GLMN: variants seen among roughly 807,000 people sequenced by gnomAD.
The protein encoded by GLMN is glomulin, FKBP associated protein, also known as glomulin.
In GLMN, 75 loss-of-function variants were observed where a neutral mutation model predicts 87.8. That is an observed-to-expected ratio of 0.85 (90% confidence interval 0.71 to 1.04). GLMN has a LOEUF of 1.04. GLMN is among the 50% of genes least tolerant of loss of function. The probability of loss-of-function intolerance (pLI) is 0.00; values close to 1 mark genes in which losing one functional copy is unlikely to be tolerated. For missense variants in GLMN, 588 were observed against 658.8 expected, an observed-to-expected ratio of 0.89 and a Z score of 1.18; for synonymous variants, 206 against 221.6, an observed-to-expected ratio of 0.93 and a Z score of 0.63.
chr1:92,335,329 T>C, the GLMN span, among the ~76,000 whole-genome samples: 3 of 152,208 alleles, frequency 2.0e-5, no homozygotes, highest in African/African-American at 7.2e-5. Context: ...TTATTACTAT[T>C]CTTTCTATTT....
the GLMN span, among the ~76,000 whole-genome samples, chr1:92,305,432 C>CAAAAAAAAAAAAAA: frequency 1.9e-3 from 98 of 52,680 alleles, 8 homozygotes; most frequent in African/African-American, 8.5e-3. Context: ...GGCTCCGTCT[C>CAAAAAAAAAAAAAA]AAAAAAAAAA....
At chr1:92,305,326 G>A in the GLMN span, among the ~76,000 whole-genome samples, 5 of 150,090 alleles carry the variant, frequency 3.3e-5, no homozygotes, top group East Asian at 4.0e-4. Context: ...CCAGCTACTC[G>A]GGAGGCTGAG....
intron 6 of GLMN, among the ~76,000 whole-genome samples, chr1:92,288,171 G>A (rs1233090295): frequency 6.6e-6 from 1 of 152,052 alleles, no homozygotes; most frequent in Non-Finnish European, 1.5e-5. Flanking sequence ...TAGTACCCAT[G>A]GAGGGAATGC....
the GLMN span, among the ~76,000 whole-genome samples, chr1:92,344,423 C>T: frequency 2.0e-5 from 3 of 151,990 alleles, no homozygotes; most frequent in African/African-American, 4.8e-5. Context: ...AAATGCTATA[C>T]GATGTTTGCT....
At chr1:92,323,307 G>A in the GLMN span, 1 of 475,064 alleles carries the variant, frequency 2.1e-6, no homozygotes, top group South Asian at 6.1e-5. Flanking sequence ...CTAGAAATAA[G>A]GTTTTGTCTG....
chr1:92,369,273 G>A, the GLMN span, among the ~76,000 whole-genome samples: 32 of 152,022 alleles, frequency 2.1e-4, no homozygotes, highest in Non-Finnish European at 4.6e-4. Flanking sequence ...ATGTTATTAT[G>A]GGGTTTTGCT....
Position 92,271,546 on chromosome 1 carries a change from T to G in GLMN, c.842A>C (p.Gln281Pro), listed in dbSNP as rs767595793. The G allele has an allele frequency of 6.2e-7, 1 of 1,612,306 alleles. No homozygotes were observed. The highest frequency in any genetic ancestry group is 1.1e-5 in the South Asian group (1 of 91,026). ...YLEFEEEENK[Q>P]LADSMASLAY... ...CAGAGAAGCCATTGAGTCTGCTAACTGTTTATTTTCTTCTTCTTCAAATTC... is the reference window on the plus strand; with the variant it reads ...CAGAGAAGCCATTGAGTCTGCTAACGGTTTATTTTCTTCTTCTTCAAATTC... The change falls in exon 8 of 19, where the codon CAG becomes CCG. Residue 281 changes from glutamine (Q) to proline (P), a missense_variant. Physicochemically the swap from Gln to Pro is moderately conservative, Grantham distance 76. Coordinates refer to ENST00000370360, the MANE Select transcript of GLMN (RefSeq NM_053274.3).
intron 4 of GLMN, among the ~76,000 whole-genome samples, chr1:92,290,921 T>G (rs1649332483): frequency 6.6e-6 from 1 of 152,260 alleles, no homozygotes; most frequent in Non-Finnish European, 1.5e-5. Flanking sequence ...AGGGTCGCTT[T>G]CTAAGGTTGT....
the GLMN span, among the ~76,000 whole-genome samples, chr1:92,348,406 G>A: frequency 4.6e-5 from 7 of 152,170 alleles, no homozygotes; most frequent in Non-Finnish European, 1.0e-4. Context: ...ACCAAGACAA[G>A]TGGTGTTTCC....
the GLMN span, among the ~76,000 whole-genome samples, chr1:92,337,811 C>G: frequency 6.6e-6 from 1 of 152,074 alleles, no homozygotes; most frequent in African/African-American, 2.4e-5. Flanking sequence ...AATTCCCCAA[C>G]AGAAATTTAA....
At chr1:92,300,840 G>A (rs545681779), upstream of GLMN, among the ~76,000 whole-genome samples, 1 of 152,342 alleles carries the variant, frequency 6.6e-6, no homozygotes, top group South Asian at 2.1e-4. Flanking sequence ...GTTAGGCTCT[G>A]AAGATATGGT....
the GLMN span, chr1:92,304,004 A>G: frequency 1.2e-6 from 2 of 1,612,600 alleles, no homozygotes; most frequent in African/African-American, 1.3e-5. Flanking sequence ...TGCTCACTAC[A>G]GTGATGTCGT....
the GLMN span, among the ~76,000 whole-genome samples, chr1:92,331,672 C>T: frequency 6.6e-6 from 1 of 152,086 alleles, no homozygotes; most frequent in African/African-American, 2.4e-5. Context: ...CTCTAAATTT[C>T]AAATATATTG....
chr1:92,336,683 A>C, the GLMN span, among the ~76,000 whole-genome samples: 1 of 152,192 alleles, frequency 6.6e-6, no homozygotes, highest in Non-Finnish European at 1.5e-5. Flanking sequence ...AAGGAAAATT[A>C]TATCTATGAT....
At chr1:92,354,058 C>T in the GLMN span, among the ~76,000 whole-genome samples, 1 of 151,982 alleles carries the variant, frequency 6.6e-6, no homozygotes, top group Admixed American at 6.6e-5. Context: ...ATGTGCACTC[C>T]AACTTCACTA....
At chr1:92,285,909 A>C (rs1181435265) in intron 7 of GLMN, among the ~76,000 whole-genome samples, 1 of 152,242 alleles carries the variant, frequency 6.6e-6, no homozygotes, top group Non-Finnish European at 1.5e-5. Context: ...ATTGCTTTTA[A>C]AATAAAATTT....
intron 16 of GLMN, among the ~76,000 whole-genome samples, chr1:92,248,761 G>C (rs944079135): frequency 1.3e-5 from 2 of 150,814 alleles, no homozygotes; most frequent in African/African-American, 4.9e-5. Context: ...GTTACTTGCA[G>C]CATTCCAAAT....
chr1:92,317,011 G>A, the GLMN span, among the ~76,000 whole-genome samples: 4 of 152,262 alleles, frequency 2.6e-5, no homozygotes, highest in South Asian at 8.3e-4. Flanking sequence ...AAAATAGTTT[G>A]TAAAGTATAT....
At chr1:92,266,225 CAT>C (rs1655616304) in intron 13 of GLMN, among the ~76,000 whole-genome samples, 192 bp downstream of exon 13, 1 of 152,050 alleles carries the variant, frequency 6.6e-6, no homozygotes, top group Non-Finnish European at 1.5e-5. Context: ...AAAATATAGA[CAT>C]ATATATAGTA....
Sources: allele counts gnomAD v4.1 joint callset (sites outside exome capture counted in the v4.1 genomes callset), GRCh38; gene constraint gnomAD v4.1.1; transcripts MANE v1.5; gene names NCBI Gene and HGNC (gene_info 2026-07-23, HGNC 2026-07-21).